Variants in ATP6V0A2 observed in about 807,000 individuals in gnomAD.
ATP6V0A2 encodes the protein ATPase H+ transporting V0 subunit a2.
In ATP6V0A2, 58 loss-of-function variants were observed where a neutral mutation model predicts 104.4. The observed-to-expected ratio is 0.56, with a 90% confidence interval of 0.45 to 0.69. ATP6V0A2 has a LOEUF of 0.69. Ranked by LOEUF, ATP6V0A2 falls within the 30% of genes least tolerant of loss-of-function variation. The pLI, the probability that ATP6V0A2 is intolerant of heterozygous loss-of-function variation, is 0.00. For synonymous variants in ATP6V0A2, 376 were observed against 397.9 expected, an observed-to-expected ratio of 0.95 and a Z score of 0.65; for missense variants, 938 against 1,062.9, an observed-to-expected ratio of 0.88 and a Z score of 1.63.
rs1173761206 is a variant in ATP6V0A2 at position 123,744,151 on chromosome 12, G to C, written c.1190-50G>C. The C allele has an allele frequency of 6.2e-7, 1 of 1,612,360 alleles. No homozygotes were observed. The highest frequency in any genetic ancestry group is 1.3e-5 in the African/African-American group (1 of 74,864). On this transcript the variant is annotated intron_variant, in intron 10 of 19. Coordinates refer to ENST00000330342, the MANE Select transcript of ATP6V0A2 (RefSeq NM_012463.4). The surrounding 1 kb of genome is among the most constrained non-coding windows in gnomAD (Gnocchi z 5.4). ...TATCATTGTGTTTGAATGAACTCAGGTTTTCCATATTTGCTGTGAATCAGA... is the reference window on the plus strand; with the variant it reads ...TATCATTGTGTTTGAATGAACTCAGCTTTTCCATATTTGCTGTGAATCAGA...
intron 2 of ATP6V0A2, among the ~76,000 whole-genome samples, chr12:123,719,630 G>A (rs1426948209): frequency 2.0e-5 from 3 of 151,222 alleles, no homozygotes; most frequent in African/African-American, 4.9e-5. Context: ...GGGACAAACC[G>A]CCCCAAAAAA....
intron 1 of ATP6V0A2, among the ~76,000 whole-genome samples, chr12:123,716,205 C>G (rs1353442490): frequency 6.6e-6 from 1 of 151,688 alleles, no homozygotes; most frequent in Non-Finnish European, 1.5e-5. Context: ...CAGCTGAGAT[C>G]ACAGGCGCGC....
chr12:123,750,439 T>TCGG, intron 15 of ATP6V0A2: 1 of 155,956 alleles, frequency 6.4e-6, no homozygotes, highest in Admixed American at 6.2e-5. Flanking sequence ...ATAATACAGC[T>TCGG]TTGTGCCTGA....
At chr12:123,714,908 T>C (rs1228689052) in intron 1 of ATP6V0A2, among the ~76,000 whole-genome samples, 11 of 152,088 alleles carry the variant, frequency 7.2e-5, no homozygotes, top group African/African-American at 2.7e-4. Context: ...GGTGAAACCC[T>C]GTCTCTACTA....
At chr12:123,716,775 T>A (rs1327711277) in intron 1 of ATP6V0A2, among the ~76,000 whole-genome samples, 1 of 144,808 alleles carries the variant, frequency 6.9e-6, no homozygotes, top group East Asian at 2.0e-4. Context: ...TAGGCGACAG[T>A]GAGATCCTGT....
At position 123,751,242 on chromosome 12, in the gene ATP6V0A2, T is replaced by C; in HGVS notation, c.2055+13T>C. 7 of 1,614,146 alleles carry C rather than the reference T, an allele frequency of 4.3e-6. No individual in the cohort carries two copies. The highest frequency in any genetic ancestry group is 5.9e-6 in the Non-Finnish European group (7 of 1,180,012). On this transcript the variant is annotated intron_variant, in intron 16 of 19. Transcript: ENST00000330342. ...CGGGGTGAACCGGGTAAGTGCGGGT[T>C]TGGATGCATTTACAACTGTGAGCAA... is the stretch of plus-strand genomic sequence containing the variant.
rs1179970734 is a variant in ATP6V0A2, at chr12:123,744,065, G to A, written c.1189+130G>A. ...TTGCTATCTTATTTAAAAGTATAAG[G>A]TTTTAAATGTAACCACACAATCCTA... On this transcript the variant is annotated intron_variant, in intron 10 of 19. Transcript: ENST00000330342. The surrounding 1 kb of genome is among the most constrained non-coding windows in gnomAD (Gnocchi z 5.4). The A allele has an allele frequency of 3.3e-6, 5 of 1,528,636 alleles. No individual in the cohort carries two copies. Among genetic ancestry groups the A allele is most frequent in the Non-Finnish European group, 2.7e-6 (3 of 1,104,540 alleles). The allele number at this position is 1,528,636 out of a possible 1,614,324, so 94.7% of individuals were successfully genotyped here.
intron 5 of ATP6V0A2, among the ~76,000 whole-genome samples, chr12:123,727,311 CAG>C (rs1956457492): frequency 2.0e-5 from 3 of 148,150 alleles, no homozygotes; most frequent in African/African-American, 7.5e-5. Context: ...TTTTTTGAGG[CAG>C]AGTCTTGTTC....
At chr12:123,742,122 T>TGCCC (rs1956615559) in intron 9 of ATP6V0A2, among the ~76,000 whole-genome samples, 1 of 152,232 alleles carries the variant, frequency 6.6e-6, no homozygotes, top group Non-Finnish European at 1.5e-5. Context: ...GGGACTGGGC[T>TGCCC]GCCCTGCCCC....
Position 123,756,775 on chromosome 12 carries a change from A to G in ATP6V0A2, c.2294-40A>G, listed in dbSNP as rs762871098. 4 of 1,611,546 alleles carry G rather than the reference A, an allele frequency of 2.5e-6. No homozygotes were observed. The African/African-American group carries it at 5.3e-5, about 22-fold the overall frequency. On this transcript the variant is annotated intron_variant, in intron 18 of 19. Coordinates refer to ENST00000330342, the MANE Select transcript of ATP6V0A2 (RefSeq NM_012463.4). Reference sequence around the variant, plus strand: ...TAGCTCACAGAGGGACCCACTGTACATAAGCGAGCATGACCTGTGCAGGCT... The same window carrying G: ...TAGCTCACAGAGGGACCCACTGTACGTAAGCGAGCATGACCTGTGCAGGCT...
rs879082266 is a variant in ATP6V0A2 at position 123,735,544 on chromosome 12, G to A, written c.745G>A (p.Val249Met). ...KKICDCYHCHVYPYPNTAEER... is the reference protein window; with the variant it reads ...KKICDCYHCHMYPYPNTAEER... ...CTTGTCTTCCAGCTACCACTGCCAC[G>A]TGTACCCCTATCCAAACACAGCCGA... The change falls in exon 8 of 20, where the codon GTG becomes ATG. Residue 249 changes from valine to methionine, a missense_variant. Physicochemically the swap from Val to Met is conservative, Grantham distance 21 (BLOSUM62 1). Coordinates refer to ENST00000330342, the MANE Select transcript of ATP6V0A2 (RefSeq NM_012463.4). 1.1e-5 allele frequency: 17 copies of A among 1,613,870 alleles called. No homozygotes were observed. In the Admixed American group the frequency reaches 2.0e-4, roughly 19 times the overall value.
At position 123,743,815 on chromosome 12, in the gene ATP6V0A2, A is replaced by G. The variant is rs146967928; in HGVS notation, c.1069A>G (p.Met357Val). Residue 357 changes from methionine (M) to valine (V), a missense_variant, in exon 10 of 20, where the codon ATG becomes GTG. Physicochemically the swap from Met to Val is conservative, Grantham distance 21. Transcript: ENST00000330342. ...GAGTGGTGCTACAATCCCCTCATTC[A>G]TGAATATAATCCCCACAAAAGAAAC... Reference protein sequence around the residue: ...RESGATIPSFMNIIPTKETPP... With the variant: ...RESGATIPSFVNIIPTKETPP... 1 of 1,614,198 alleles carries G rather than the reference A, an allele frequency of 6.2e-7. No homozygotes were observed. Among genetic ancestry groups the G allele is most frequent in the Non-Finnish European group, 8.5e-7 (1 of 1,180,030 alleles).
chr12:123,750,244 T>A (rs763689694), intron 15 of ATP6V0A2: 2 of 152,206 alleles, frequency 1.3e-5, no homozygotes, highest in African/African-American at 2.4e-5. Context: ...AGGAGGTAGG[T>A]GTGTCATCCC....
At position 123,759,739 on chromosome 12, in the gene ATP6V0A2, T is replaced by C. The variant is rs1305017091; in HGVS notation, c.*1707T>C. 1.3e-5 allele frequency: 2 copies of C among 152,206 alleles called. No homozygotes were observed. The highest frequency in any genetic ancestry group is 1.3e-4 in the Admixed American group (2 of 15,276). 9.4% of individuals were successfully genotyped at this position (152,206 alleles called of 1,614,324 possible). ...TGGCTGTGCAGCTGATTTCAAGGCA[T>C]GAGCTGAACAGCGTTGACACAGCCG... is the stretch of plus-strand genomic sequence containing the variant. On this transcript the variant is annotated 3_prime_UTR_variant, in exon 20 of 20. Coordinates refer to ENST00000330342, the MANE Select transcript of ATP6V0A2 (RefSeq NM_012463.4).
chr12:123,735,263 G>A (rs1430842092), intron 7 of ATP6V0A2, among the ~76,000 whole-genome samples: 1 of 152,034 alleles, frequency 6.6e-6, no homozygotes, highest in African/African-American at 2.4e-5. Flanking sequence ...ATTTTAGGAA[G>A]CTGGAATTGG....
At chr12:123,748,832 T>C in intron 15 of ATP6V0A2, 47 bp downstream of exon 15, 1 of 1,535,748 alleles carries the variant, frequency 6.5e-7, no homozygotes, top group Non-Finnish European at 9.0e-7. Flanking sequence ...GTATTCCCAA[T>C]AGTCTTTTAT....
chr12:123,755,905 C>T (rs889570849), intron 18 of ATP6V0A2, among the ~76,000 whole-genome samples: 9 of 151,500 alleles, frequency 5.9e-5, no homozygotes, highest in Admixed American at 3.3e-4. Context: ...ACACGTGAAA[C>T]CCTGTCTCTA....
chr12:123,734,755 G>A (rs1956534664), intron 7 of ATP6V0A2, among the ~76,000 whole-genome samples: 1 of 152,094 alleles, frequency 6.6e-6, no homozygotes, highest in Non-Finnish European at 1.5e-5. Context: ...GGGGGGTTTG[G>A]GCATTTTCTG....
intron 1 of ATP6V0A2, among the ~76,000 whole-genome samples, chr12:123,717,125 G>C (rs1269663092): frequency 6.6e-6 from 1 of 151,346 alleles, no homozygotes; most frequent in African/African-American, 2.4e-5. Context: ...GACCAGCCTG[G>C]CCAACATGGT....
Sources: allele counts gnomAD v4.1 joint callset (sites outside exome capture counted in the v4.1 genomes callset), GRCh38; gene constraint gnomAD v4.1.1; non-coding constraint Gnocchi (gnomAD v3.1); transcripts MANE v1.5; gene names NCBI Gene and HGNC (gene_info 2026-07-23, HGNC 2026-07-21).